COL18A1: variants seen among roughly 807,000 people sequenced by gnomAD.
The protein encoded by COL18A1 is collagen alpha-1(XVIII) chain.
A neutral mutation model predicts 168.0 loss-of-function variants in COL18A1; 133 were observed. The ratio of observed to expected loss-of-function variants is 0.79; its 90% CI spans 0.69 to 0.91. COL18A1 has a LOEUF of 0.91. Among genes scored for constraint, COL18A1 ranks in the 40% least tolerant of loss-of-function variants. COL18A1 has a pLI of 0.00. For missense variants in COL18A1, 2,126 were observed against 1,925.4 expected (o/e 1.10, Z -1.95); for synonymous variants, 949 against 809.0 (o/e 1.17, Z -2.94).
At position 45,507,554 on chromosome 21, in the gene COL18A1, C is replaced by G; in HGVS notation, c.3217-7C>G. The G allele has an allele frequency of 1.2e-6, 2 of 1,612,256 alleles. No homozygotes were observed. The highest frequency in any genetic ancestry group is 1.7e-6 in the Non-Finnish European group (2 of 1,179,666). ...AGGTCCTGGGTGACCCTGCTGCTTT[C>G]TTCCAGCTGGAGGCCCGGACACCAC... On this transcript the variant is annotated splice_polypyrimidine_tract_variant and splice_region_variant and intron_variant, in intron 37 of 41. Transcript: ENST00000651438.
intron 9 of COL18A1, 107 bp downstream of exon 9, chr21:45,478,460 CTG>C (rs1473011158): frequency 1.4e-5 from 20 of 1,448,244 alleles, no homozygotes; most frequent in Non-Finnish European, 1.9e-5. Flanking sequence ...AGTGAGGAGA[CTG>C]TACAGCAAAA....
In COL18A1 at chr21:45,457,617, C is replaced by G. The variant is rs2034885093; in HGVS notation, c.107-10625C>G. 1.3e-5 allele frequency among the ~76,000 whole-genome samples: 2 copies of G among 152,184 alleles called. No homozygotes were observed. The highest frequency in any genetic ancestry group is 2.9e-5 in the Non-Finnish European group (2 of 68,038). Reference sequence around the variant, plus strand: ...GGGCAGGGGCAGCCCAGAAAGGACCCCAGCAGATCCCTCCTCTGTGTCCGG... The same window carrying G: ...GGGCAGGGGCAGCCCAGAAAGGACCGCAGCAGATCCCTCCTCTGTGTCCGG... On this transcript the variant is annotated intron_variant, in intron 2 of 41. Transcript: ENST00000651438. This position sits in a 1 kb window ranked among gnomAD's most constrained non-coding sequence, Gnocchi z 4.6.
At chr21:45,422,819 C>T (rs1168446887) in intron 2 of COL18A1, among the ~76,000 whole-genome samples, 3 of 151,082 alleles carry the variant, frequency 2.0e-5, no homozygotes, top group Non-Finnish European at 4.4e-5. Flanking sequence ...TGGAGTTTCA[C>T]TCTTGTTGCC....
At chr21:45,456,391 C>A (rs953325335) in intron 2 of COL18A1, 2 of 1,548,274 alleles carry the variant, frequency 1.3e-6, no homozygotes, top group South Asian at 2.4e-5. Flanking sequence ...GGCTCCCGGG[C>A]GCACTGTCTC....
At chr21:45,488,301 C>A in intron 17 of COL18A1, 117 bp from the exon 18 acceptor site, 1 of 1,282,388 alleles carries the variant, frequency 7.8e-7, no homozygotes, top group Non-Finnish European at 1.1e-6. Flanking sequence ...TAGTACATTT[C>A]CTTTTACACA....
At chr21:45,494,630 C>G (rs992197790) in intron 27 of COL18A1, 59 bp downstream of exon 27, 107 of 1,607,698 alleles carry the variant, frequency 6.7e-5, no homozygotes, top group Non-Finnish European at 8.5e-5. Flanking sequence ...CCCAAGGACA[C>G]GGTCGCCCGC....
At position 45,457,721 on chromosome 21, in the gene COL18A1, G is replaced by C. The variant is rs1319357997; in HGVS notation, c.107-10521G>C. On this transcript the variant is annotated intron_variant, in intron 2 of 41. Transcript: ENST00000651438. This position sits in a 1 kb window ranked among gnomAD's most constrained non-coding sequence, Gnocchi z 4.6. ...GTGCACCTGGCAGCCTTGGCCCAGA[G>C]GCCCTATCCCCGCAGGGTGAGGTGC... Among the ~76,000 whole-genome samples, 10 of 152,336 alleles carry C rather than the reference G, an allele frequency of 6.6e-5. No individual in the cohort carries two copies.
chr21:45,470,641 C>T (rs2035388176), intron 3 of COL18A1, among the ~76,000 whole-genome samples: 1 of 151,886 alleles, frequency 6.6e-6, no homozygotes, highest in South Asian at 2.1e-4. Flanking sequence ...CACCTGCCAC[C>T]ATGCCTAGCT....
intron 37 of COL18A1, 134 bp downstream of exon 37, chr21:45,506,100 AACTTTTGGTAAAGTTTAGTAAAAT>A: frequency 7.3e-7 from 1 of 1,377,412 alleles, no homozygotes; most frequent in South Asian, 1.2e-5. Context: ...TAAACTTTCA[AACTTTTGGTAAAGTTTAGTAAAAT>A]ACTTTTGTGA....
chr21:45,477,549 C>A, intron 7 of COL18A1, 62 bp downstream of exon 7: 1 of 1,489,282 alleles, frequency 6.7e-7, no homozygotes, highest in Non-Finnish European at 9.2e-7. Context: ...GCCTTTTGGG[C>A]CACTCACTGG....
In COL18A1 at chr21:45,498,401, G is replaced by T. The variant is rs758940524; in HGVS notation, c.2683+740G>T. 1.5e-6 allele frequency: 1 copy of T among 678,078 alleles called. No homozygotes were observed. The highest frequency in any genetic ancestry group is 2.8e-5 in the East Asian group (1 of 36,238). 42.0% of individuals were successfully genotyped at this position (678,078 alleles called of 1,614,324 possible). ...CCTCTCGCCGCCAGGGTCCCCTCTC[G>T]CCGCCAGGGTCCCCTCTCGCCGCCA... is the stretch of plus-strand genomic sequence containing the variant. On this transcript the variant is annotated intron_variant, in intron 32 of 41. Transcript: ENST00000651438. This position sits in a 1 kb window ranked among gnomAD's most constrained non-coding sequence, Gnocchi z 4.5.
At chr21:45,418,770 C>CACCTCACGTCACT (rs1345269694) in intron 2 of COL18A1, among the ~76,000 whole-genome samples, 148 of 151,324 alleles carry the variant, frequency 9.8e-4, no homozygotes, top group Admixed American at 1.1e-3. Context: ...GCCTCCAAGG[C>CACCTCACGTCACT]TGTCTCTGCT....
At chr21:45,488,362 C>T in intron 17 of COL18A1, 56 bp from the exon 18 acceptor site, 1 of 1,612,588 alleles carries the variant, frequency 6.2e-7, no homozygotes, top group Non-Finnish European at 8.5e-7. Context: ...GCGGCAGACG[C>T]ATCTCACAGC....
intron 2 of COL18A1, chr21:45,467,344 G>C: frequency 1.0e-6 from 1 of 985,466 alleles, no homozygotes; most frequent in Non-Finnish European, 1.2e-6. Context: ...GCAGGAATGA[G>C]TGGAGTGAGT....
chr21:45,500,095 A>G (rs574830776), intron 32 of COL18A1, among the ~76,000 whole-genome samples: 2 of 142,186 alleles, frequency 1.4e-5, no homozygotes, highest in Admixed American at 1.4e-4. Context: ...GAGTGTGTGT[A>G]TGTGGGTGTG....
At chr21:45,506,549 T>C (rs566501607) in intron 37 of COL18A1, 1 of 195,382 alleles carries the variant, frequency 5.1e-6, no homozygotes, top group Non-Finnish European at 1.1e-5. Flanking sequence ...GCCGCTCTGA[T>C]CCAGGTGGGT....
At chr21:45,415,775 G>T (rs2033425656) in intron 2 of COL18A1, among the ~76,000 whole-genome samples, 1 of 152,270 alleles carries the variant, frequency 6.6e-6, no homozygotes, top group Admixed American at 6.5e-5. Flanking sequence ...ATCCAGCCCA[G>T]TGCCTGGCGC....
rs529368676 is a variant in COL18A1 at position 45,507,623 on chromosome 21, T to G, written c.3249+30T>G. 368 of 1,609,636 alleles carry G rather than the reference T, an allele frequency of 2.3e-4. 1 individual carries two copies. Among genetic ancestry groups the G allele is most frequent in the Non-Finnish European group, 2.9e-4 (346 of 1,177,186 alleles). ...GGAGCCTTTTTTCTGTTGAGACTGG[T>G]GGGTGGTCAGGACATGAGGGGGTAT... is the stretch of plus-strand genomic sequence containing the variant. On this transcript the variant is annotated intron_variant, in intron 38 of 41. Coordinates refer to ENST00000651438, the MANE Select transcript of COL18A1 (RefSeq NM_001379500.1).
intron 2 of COL18A1, among the ~76,000 whole-genome samples, chr21:45,405,941 CGCCTCTGTCCCCGCCGCCCTCAG>C (rs958088155): frequency 1.1e-4 from 17 of 152,112 alleles, no homozygotes; most frequent in Admixed American, 3.9e-4. Flanking sequence ...GGGCCTTGTG[CGCCTCTGTCCCCGCCGCCCTCAG>C]GCCTCTGTCC....
Sources: gnomAD v4.1 joint callset for allele counts (sites outside exome capture counted in the v4.1 genomes callset) on GRCh38, gnomAD v4.1.1 for gene constraint, Gnocchi (gnomAD v3.1) non-coding constraint, MANE v1.5 for transcripts, NCBI Gene and HGNC (gene_info 2026-07-23, HGNC 2026-07-21) for gene names.